KLK14: variants seen among roughly 807,000 people sequenced by gnomAD.
The protein encoded by KLK14 is kallikrein related peptidase 14.
A neutral mutation model predicts 24.6 loss-of-function variants in KLK14; 21 were observed. That is an observed-to-expected ratio of 0.85 (90% CI 0.61 to 1.23). The LOEUF is 1.23. KLK14 is among the 50% of genes most tolerant of loss of function. The pLI is 0.00. For synonymous variants in KLK14, 133 were observed against 139.7 expected, an observed-to-expected ratio of 0.95 and a Z score of 0.34; for missense variants, 320 against 338.9, an observed-to-expected ratio of 0.94 and a Z score of 0.44.
rs771622432 is a variant in KLK14, at chr19:51,081,642, G to T, written c.102C>A (p.Ser34Arg). Residue 34 changes from serine to arginine, a missense_variant, in exon 3 of 6, where the codon AGC (serine) becomes AGA (arginine). Transcript: ENST00000650543. ...KIIGGHTCTR[S>R]SQPWQAALLA... is the part of the protein sequence containing the mutation. Reference sequence around the variant, plus strand: ...GCAGGGCCGCCTGCCACGGCTGGGAGCTCCGGGTGCACGTATGGCCACCAA... The same window carrying T: ...GCAGGGCCGCCTGCCACGGCTGGGATCTCCGGGTGCACGTATGGCCACCAA... The T allele has an allele frequency of 2.6e-6, 4 of 1,552,264 alleles. No individual in the cohort carries two copies. Among genetic ancestry groups the T allele is most frequent in the African/African-American group, 1.4e-5 (1 of 73,230 alleles).
chr19:51,083,355 CAG>C (rs1178123551), upstream of KLK14, among the ~76,000 whole-genome samples: 5 of 92,442 alleles, frequency 5.4e-5, no homozygotes, highest in East Asian at 1.1e-3. Flanking sequence ...GACACACAGA[CAG>C]AGAGAGACAG....
At chr19:51,079,287 C>T (rs2091823720) in intron 4 of KLK14, among the ~76,000 whole-genome samples, 162 bp downstream of exon 4, 1 of 149,284 alleles carries the variant, frequency 6.7e-6, no homozygotes, top group African/African-American at 2.5e-5. Context: ...CTCCTTGAGA[C>T]CCAGGAGTCC....
intron 2 of KLK14, among the ~76,000 whole-genome samples, chr19:51,081,978 A>G (rs534982533): frequency 2.0e-5 from 3 of 151,628 alleles, no homozygotes; most frequent in Admixed American, 6.6e-5. Flanking sequence ...TACATCTACG[A>G]CCCTTAGCTC....
At chr19:51,083,502 CAGAG>C (rs1043532003), upstream of KLK14, among the ~76,000 whole-genome samples, 1 of 150,036 alleles carries the variant, frequency 6.7e-6, no homozygotes, top group African/African-American at 2.5e-5. Context: ...GAGCAAGAGA[CAGAG>C]AGAGACTGGG....
chr19:51,080,556 T>C (rs976291475), intron 3 of KLK14, among the ~76,000 whole-genome samples: 3 of 152,228 alleles, frequency 2.0e-5, no homozygotes, highest in African/African-American at 7.2e-5. Context: ...ATGGCATAGA[T>C]ATGGCTTATA....
At chr19:51,079,756 C>T in intron 3 of KLK14, 54 bp from the exon 4 acceptor site, 1 of 1,510,970 alleles carries the variant, frequency 6.6e-7, no homozygotes. Flanking sequence ...AGAGACTCCT[C>T]CCCACCCTCC....
At chr19:51,079,886 C>G (rs936412073) in intron 3 of KLK14, among the ~76,000 whole-genome samples, 184 bp from the exon 4 acceptor site, 1 of 152,166 alleles carries the variant, frequency 6.6e-6, no homozygotes, top group African/African-American at 2.4e-5. Flanking sequence ...ATTCTCTCGG[C>G]CCAGCCCCAG....
chr19:51,079,284 A>G (rs2091823680), intron 4 of KLK14, among the ~76,000 whole-genome samples, 165 bp downstream of exon 4: 2 of 141,224 alleles, frequency 1.4e-5, no homozygotes, highest in Admixed American at 7.0e-5. Flanking sequence ...CTCCTCCTTG[A>G]GACCCAGGAG....
rs369406938 is a variant in KLK14, at chr19:51,080,854, G to T, written c.212+678C>A. Among the ~76,000 whole-genome samples, 21 of 152,234 alleles carry T rather than the reference G, an allele frequency of 1.4e-4. No homozygotes were observed. The East Asian group carries it at 4.1e-3, about 29-fold the overall frequency. ...ATGCCTGGCTAATTTTGCATTTTTA[G>T]TAGAGACAGGGTTTCTCTATGTTGC... On this transcript the variant is annotated intron_variant, in intron 3 of 5. Transcript: ENST00000650543.
intron 3 of KLK14, among the ~76,000 whole-genome samples, chr19:51,080,044 A>G (rs1357246084): frequency 6.6e-6 from 1 of 152,200 alleles, no homozygotes; most frequent in Admixed American, 6.5e-5. Context: ...CTAGGCTCTA[A>G]ATCGGAACTG....
chr19:51,077,606 TG>T (rs2091810122), downstream of KLK14: 1 of 144,816 alleles, frequency 6.9e-6, no homozygotes, highest in African/African-American at 3.4e-5. Flanking sequence ...GGGCTGGGCC[TG>T]GACTCCTGGG....
chr19:51,081,132 C>A (rs1428261984), intron 3 of KLK14, among the ~76,000 whole-genome samples: 1 of 152,194 alleles, frequency 6.6e-6, no homozygotes, highest in Non-Finnish European at 1.5e-5. Flanking sequence ...GGATTTATGG[C>A]TAGACTGCAG....
rs1170955336 is a variant in KLK14, at chr19:51,079,436, C to T, written c.466+13G>A. Reference sequence around the variant, plus strand: ...GCCCAGTCCCCTGCTTTCCAAGACGCAGGAGTCCTCACCGATGGGGCTGGA... The same window carrying T: ...GCCCAGTCCCCTGCTTTCCAAGACGTAGGAGTCCTCACCGATGGGGCTGGA... On this transcript the variant is annotated intron_variant, in intron 4 of 5. Coordinates refer to ENST00000650543, the MANE Select transcript of KLK14 (RefSeq NM_001369775.2). 1 of 1,602,314 alleles carries T rather than the reference C, an allele frequency of 6.2e-7. No homozygotes were observed. Among genetic ancestry groups the T allele is most frequent in the Admixed American group, 1.7e-5 (1 of 59,648 alleles).
In KLK14 at chr19:51,078,996, G is replaced by A. The variant is rs779910513; in HGVS notation, c.467-45C>T. The A allele has an allele frequency of 3.8e-6, 6 of 1,582,144 alleles. No individual in the cohort carries two copies. The East Asian group carries it at 6.7e-5, about 18-fold the overall frequency. On this transcript the variant is annotated intron_variant, in intron 4 of 5. Transcript: ENST00000650543. This position sits in a 1 kb window ranked among gnomAD's most constrained non-coding sequence, Gnocchi z 5.0. ...TATAACTGGGTCTACCCTCCCATAA[G>A]ACCCAAGGGTCCAGGCCCCCAGCCC...
At chr19:51,083,957 G>A (rs796398719), upstream of KLK14, among the ~76,000 whole-genome samples, 47 of 152,218 alleles carry the variant, frequency 3.1e-4, no homozygotes, top group African/African-American at 1.1e-3. Flanking sequence ...GGACAGGCAG[G>A]CCGATGGCAG....
At chr19:51,077,817 C>A, downstream of KLK14, 2 of 351,266 alleles carry the variant, frequency 5.7e-6, no homozygotes, top group South Asian at 2.9e-5. Context: ...GGAGGAGGGG[C>A]TGGGGCCTGG....
chr19:51,078,134 C>G lies in KLK14; in HGVS notation c.629G>C (p.Cys210Ser), dbSNP rs780194270. Residue 210 changes from cysteine (C) to serine (S), a missense_variant, in exon 6 of 6, where the codon TGC becomes TCC. Physicochemically the swap from Cys to Ser is moderately radical, Grantham distance 112 (BLOSUM62 -1). Coordinates refer to ENST00000650543, the MANE Select transcript of KLK14 (RefSeq NM_001369775.2). The surrounding 1 kb of genome is among the most constrained non-coding windows in gnomAD (Gnocchi z 5.0). ...CQGDSGGPLVCRGQLQGLVSW... is the reference protein window; with the variant it reads ...CQGDSGGPLVSRGQLQGLVSW... Reference sequence around the variant, plus strand: ...CACGAGGCCCTGGAGCTGTCCTCTGCACACCAGGGGTCCCCCAGAGTCACC... The same window carrying G: ...CACGAGGCCCTGGAGCTGTCCTCTGGACACCAGGGGTCCCCCAGAGTCACC... 2 of 1,613,796 alleles carry G rather than the reference C, an allele frequency of 1.2e-6. No homozygotes were observed. The highest frequency in any genetic ancestry group is 1.7e-6 in the Non-Finnish European group (2 of 1,179,860).
chr19:51,082,589 T>G lies in KLK14; in HGVS notation c.26A>C (p.Gln9Pro). MFLLLTAL[Q>P]VLAIAMTQSQ... ...CGTTCTCTTACCTATAGCCAGGACT[T>G]GAAGTGCTGTCAGCAGGAGGAACAT... is the stretch of plus-strand genomic sequence containing the variant. The change falls in exon 2 of 6, where the codon CAA becomes CCA. Residue 9 changes from glutamine to proline, a missense_variant. Physicochemically the swap from Gln to Pro is moderately conservative, Grantham distance 76. Coordinates refer to ENST00000650543, the MANE Select transcript of KLK14 (RefSeq NM_001369775.2). 6.2e-7 allele frequency: 1 copy of G among 1,614,030 alleles called. No individual in the cohort carries two copies. The highest frequency in any genetic ancestry group is 8.5e-7 in the Non-Finnish European group (1 of 1,180,014).
upstream of KLK14, chr19:51,082,912 T>C: frequency 2.6e-6 from 2 of 762,802 alleles, no homozygotes; most frequent in South Asian, 3.6e-5. Flanking sequence ...GGCAAAGCCT[T>C]TTATCCCTGG....
Sources: gnomAD v4.1 joint callset for allele counts (sites outside exome capture counted in the v4.1 genomes callset) on GRCh38, gnomAD v4.1.1 for gene constraint, Gnocchi (gnomAD v3.1) non-coding constraint, MANE v1.5 for transcripts, NCBI Gene and HGNC (gene_info 2026-07-23, HGNC 2026-07-21) for gene names.